POFUT1: variants seen among roughly 807,000 people sequenced by gnomAD.
POFUT1 encodes the protein protein O-fucosyltransferase 1, also known as GDP-fucose protein O-fucosyltransferase 1.
Under a neutral mutation model 42.4 loss-of-function variants are expected in POFUT1, and 16 were observed. The observed-to-expected ratio is 0.38, with a 90% confidence interval of 0.26 to 0.57. The LOEUF is 0.57. Among genes scored for constraint, POFUT1 ranks in the 20% least tolerant of loss-of-function variants. The pLI, the probability that POFUT1 is intolerant of heterozygous loss-of-function variation, is 0.71. For missense variants in POFUT1, 470 were observed against 504.6 expected, an observed-to-expected ratio of 0.93 and a Z score of 0.66; for synonymous variants, 206 against 205.4, an observed-to-expected ratio of 1.00 and a Z score of -0.03.
chr20:32,214,761 C>T (rs2047349621), intron 2 of POFUT1, among the ~76,000 whole-genome samples: 1 of 152,180 alleles, frequency 6.6e-6, no homozygotes, highest in South Asian at 2.1e-4. Flanking sequence ...TGTTTTTTAA[C>T]ACAAGGGATG....
intron 4 of POFUT1, among the ~76,000 whole-genome samples, chr20:32,221,936 T>C (rs1241567967): frequency 1.3e-5 from 2 of 152,004 alleles, no homozygotes. Context: ...TTGATAGGGT[T>C]TATTGTTTTC....
At chr20:32,213,037 C>G (rs978709839) in intron 2 of POFUT1, among the ~76,000 whole-genome samples, 5 of 152,102 alleles carry the variant, frequency 3.3e-5, no homozygotes, top group Non-Finnish European at 7.4e-5. Context: ...AGGTGCCCAC[C>G]ACCATGCCTA....
At chr20:32,219,662 GA>G (rs1420283903) in intron 4 of POFUT1, among the ~76,000 whole-genome samples, 1 of 151,680 alleles carries the variant, frequency 6.6e-6, no homozygotes, top group Non-Finnish European at 1.5e-5. Context: ...ACGCCCGGCT[GA>G]TTTTTTTGTA....
intron 4 of POFUT1, among the ~76,000 whole-genome samples, chr20:32,225,385 C>T (rs1018880688): frequency 1.6e-4 from 24 of 151,980 alleles, no homozygotes; most frequent in Admixed American, 5.3e-4. Context: ...GACGGGGTTT[C>T]GCCGTGTTAG....
chr20:32,225,122 CTACA>C (rs1188537352), intron 4 of POFUT1, among the ~76,000 whole-genome samples: 2 of 152,184 alleles, frequency 1.3e-5, no homozygotes, highest in African/African-American at 4.8e-5. Flanking sequence ...ATTCATTTAA[CTACA>C]TACATGTAGA....
intron 2 of POFUT1, among the ~76,000 whole-genome samples, chr20:32,212,820 A>G (rs1458514499): frequency 6.6e-6 from 1 of 151,876 alleles, no homozygotes; most frequent in African/African-American, 2.4e-5. Flanking sequence ...TGCCTCAAGT[A>G]TTCTACCTGC....
chr20:32,224,511 C>T lies in POFUT1; in HGVS notation c.543-3752C>T, dbSNP rs1443540748. ...TGTAAGTGACACAGGCCTTGGATAG[C>T]GTATGTGGGAGCAATGGCAAACAGG... On this transcript the variant is annotated intron_variant, in intron 4 of 6. Transcript: ENST00000375749. Among the ~76,000 whole-genome samples the T allele has an allele frequency of 3.3e-5, 5 of 152,276 alleles. No individual in the cohort carries two copies. The South Asian group carries it at 6.2e-4, about 19-fold the overall frequency.
chr20:32,227,470 C>T (rs6141274), intron 4 of POFUT1, among the ~76,000 whole-genome samples: 10 of 152,078 alleles, frequency 6.6e-5, no homozygotes, highest in South Asian at 2.1e-4. Context: ...TGCAGTGAGC[C>T]GAGATCACGC....
intron 4 of POFUT1, among the ~76,000 whole-genome samples, chr20:32,224,781 A>G (rs2122590170): frequency 6.6e-6 from 1 of 152,342 alleles, no homozygotes; most frequent in Non-Finnish European, 1.5e-5. Flanking sequence ...GAAAGATTGG[A>G]ACGACCTCAC....
At chr20:32,208,126 C>T (rs2047303761) in intron 1 of POFUT1, 61 bp downstream of exon 1, 1 of 1,481,154 alleles carries the variant, frequency 6.8e-7, no homozygotes, top group South Asian at 1.2e-5. Context: ...GGAAAAGCCA[C>T]TCCTCAGATG....
chr20:32,212,317 G>A (rs1211716239), intron 2 of POFUT1, among the ~76,000 whole-genome samples: 1 of 151,694 alleles, frequency 6.6e-6, no homozygotes, highest in Non-Finnish European at 1.5e-5. Context: ...TGTTGCCCAG[G>A]GTGAAGTGCA....
In POFUT1 at chr20:32,217,213, G is replaced by A. The variant is rs369411636; in HGVS notation, c.542+492G>A. Reference sequence around the variant, plus strand: ...ACAGGCCGTGAAACATTTATAGGGCGCCTGTCACGTGTGAGACATAGTAAT... The same window carrying A: ...ACAGGCCGTGAAACATTTATAGGGCACCTGTCACGTGTGAGACATAGTAAT... On this transcript the variant is annotated intron_variant, in intron 4 of 6. Transcript: ENST00000375749. 100 of 1,425,904 alleles carry A rather than the reference G, an allele frequency of 7.0e-5. 1 individual carries two copies. Among genetic ancestry groups the A allele is most frequent in the East Asian group, 6.8e-4 (27 of 39,622 alleles). 88.3% of individuals were successfully genotyped at this position (1,425,904 alleles called of 1,614,324 possible). A position where few individuals can be genotyped will look rare whatever the true frequency, so the allele number is the denominator to read the frequency against.
intron 4 of POFUT1, among the ~76,000 whole-genome samples, chr20:32,225,729 A>G (rs2047411620): frequency 6.6e-6 from 1 of 152,130 alleles, no homozygotes. Context: ...GGCTCAAGTG[A>G]TCTGCCCACC....
intron 2 of POFUT1, among the ~76,000 whole-genome samples, chr20:32,210,393 C>G (rs925379557): frequency 6.6e-6 from 1 of 152,218 alleles, no homozygotes; most frequent in South Asian, 2.1e-4. Context: ...TGAGAATTAG[C>G]TCATTTCACC....
At chr20:32,217,117 A>G (rs1428866557) in intron 4 of POFUT1, 2 of 1,596,188 alleles carry the variant, frequency 1.3e-6, no homozygotes, top group African/African-American at 2.7e-5. Context: ...CCTGATAATT[A>G]TTGGACGTGT....
At chr20:32,222,804 C>A (rs1045403752) in intron 4 of POFUT1, 1 of 985,250 alleles carries the variant, frequency 1.0e-6, no homozygotes, top group Non-Finnish European at 1.2e-6. Flanking sequence ...TATTGGAAGG[C>A]AATGCACCAT....
chr20:32,212,635 G>A (rs150991549), intron 2 of POFUT1, among the ~76,000 whole-genome samples: 3,423 of 152,268 alleles, frequency 0.022, 121 homozygotes, highest in African/African-American at 0.078. Flanking sequence ...AGGCTGAAGT[G>A]CAGTGGCAGA....
Position 32,235,696 on chromosome 20 carries a change from A to G in POFUT1, c.*1035A>G, listed in dbSNP as rs1376010585. On this transcript the variant is annotated 3_prime_UTR_variant, in exon 7 of 7. Transcript: ENST00000375749. ...TTCCAATGTAATCTCTGCCAACACCATGAGGCTTAAGGTGCTCTAAGTCAT... is the reference window on the plus strand; with the variant it reads ...TTCCAATGTAATCTCTGCCAACACCGTGAGGCTTAAGGTGCTCTAAGTCAT... The G allele has an allele frequency of 2.6e-5, 4 of 152,248 alleles. No homozygotes were observed. Among genetic ancestry groups the G allele is most frequent in the Admixed American group, 6.5e-5 (1 of 15,286 alleles). 9.4% of individuals were successfully genotyped at this position (152,248 alleles called of 1,614,324 possible).
chr20:32,210,364 C>A (rs2047321139), intron 2 of POFUT1, among the ~76,000 whole-genome samples, 172 bp downstream of exon 2: 1 of 152,208 alleles, frequency 6.6e-6, no homozygotes, highest in South Asian at 2.1e-4. Context: ...TTATCCAGCA[C>A]CTGTTGTGTG....
Sources: allele counts gnomAD v4.1 joint callset (sites outside exome capture counted in the v4.1 genomes callset), GRCh38; gene constraint gnomAD v4.1.1; transcripts MANE v1.5; gene names NCBI Gene and HGNC (gene_info 2026-07-23, HGNC 2026-07-21).